The following KLHL11 variants were observed in gnomAD, a reference collection of about 807,000 sequenced individuals.
KLHL11 encodes the protein kelch like family member 11, also known as kelch-like protein 11.
In KLHL11, 26 loss-of-function variants were observed where a neutral mutation model predicts 56.1. The observed-to-expected ratio is 0.46, with a 90% CI of 0.34 to 0.64. The LOEUF (loss-of-function observed/expected upper bound fraction) is 0.64, where lower values mean the gene tolerates loss of function less well. Ranked by LOEUF, KLHL11 falls within the 30% of genes least tolerant of loss-of-function variation. The pLI is 0.01. For synonymous variants in KLHL11, 338 were observed against 345.8 expected, an observed-to-expected ratio of 0.98 and a Z score of 0.25; for missense variants, 627 against 919.4, an observed-to-expected ratio of 0.68 and a Z score of 4.11.
Position 41,854,503 on chromosome 17 carries a change from A to G in KLHL11, c.1364T>C (p.Leu455Pro). The G allele has an allele frequency of 6.2e-7, 1 of 1,614,178 alleles. No individual in the cohort carries two copies. The highest frequency in any genetic ancestry group is 8.5e-7 in the Non-Finnish European group (1 of 1,180,024). ...GTTGCCATGTCCTCCAATGCTATAG[A>G]GCTTCCCTTTGACTTCTGTTAGTCC... ...SFGLTEVKGK[L>P]YSIGGHGNFS... The change falls in exon 2 of 2, where the codon CTC becomes CCC. Residue 455 changes from leucine to proline, a missense_variant. Physicochemically the swap from Leu to Pro is moderately conservative, Grantham distance 98 (BLOSUM62 -3). Around this residue, in one of 4 missense-constraint regions of KLHL11, gnomAD observed 250 missense variants for 360.6 expected, o/e 0.69. Coordinates refer to ENST00000319121, the MANE Select transcript of KLHL11 (RefSeq NM_018143.3). The surrounding 1 kb of genome is among the most constrained non-coding windows in gnomAD (Gnocchi z 4.9).
chr17:41,864,811 G>C lies in KLHL11; in HGVS notation c.545+15C>G. ...CGCGCCCGCCGCCCTCCGCGCTCCCGCCTCCCTCGCCTACCTGTCGGCCAA... is the reference window on the plus strand; with the variant it reads ...CGCGCCCGCCGCCCTCCGCGCTCCCCCCTCCCTCGCCTACCTGTCGGCCAA... On this transcript the variant is annotated intron_variant, in intron 1 of 1. Coordinates refer to ENST00000319121, the MANE Select transcript of KLHL11 (RefSeq NM_018143.3). 6.7e-7 allele frequency: 1 copy of C among 1,484,582 alleles called. No individual in the cohort carries two copies. Among genetic ancestry groups the C allele is most frequent in the Non-Finnish European group, 9.0e-7 (1 of 1,114,908 alleles). The allele number at this position is 1,484,582 out of a possible 1,614,324, so 92.0% of individuals were successfully genotyped here.
intron 1 of KLHL11, among the ~76,000 whole-genome samples, chr17:41,856,135 C>T (rs554471288): frequency 1.3e-5 from 2 of 152,142 alleles, no homozygotes; most frequent in Admixed American, 1.3e-4. Context: ...GGATTACAGG[C>T]GTGTGCCACC....
At chr17:41,857,338 C>T (rs1323914671) in intron 1 of KLHL11, among the ~76,000 whole-genome samples, 1 of 151,614 alleles carries the variant, frequency 6.6e-6, no homozygotes, top group African/African-American at 2.4e-5. Context: ...AACCTTGTCT[C>T]TACTAAAAAT....
At chr17:41,857,091 G>T (rs1410781033) in intron 1 of KLHL11, among the ~76,000 whole-genome samples, 4 of 152,122 alleles carry the variant, frequency 2.6e-5, no homozygotes, top group African/African-American at 9.7e-5. Context: ...AACTACTCAG[G>T]GGGCTTAGGC....
rs548112698 is a variant in KLHL11, at chr17:41,856,800, T to A, written c.546-1479A>T. On this transcript the variant is annotated intron_variant, in intron 1 of 1. Coordinates refer to ENST00000319121, the MANE Select transcript of KLHL11 (RefSeq NM_018143.3). ...GGGAGGCTGAGGCAGGCAGATCACT[T>A]GAAGTCAGGAGTTTGAGACCAGGCT... Among the ~76,000 whole-genome samples, 3 of 151,236 alleles carry A rather than the reference T, an allele frequency of 2.0e-5. No homozygotes were observed. The East Asian group carries it at 5.9e-4, about 30-fold the overall frequency.
rs782026168 is a variant in KLHL11 at position 41,865,365 on chromosome 17, C to A, written c.6G>T (p.Ala2=). ...CCGCCGCCGCCGCCACTGCCGCAGCCGCCATCTTGACGCCGCTGCGCCCGG... is the reference window on the plus strand; with the variant it reads ...CCGCCGCCGCCGCCACTGCCGCAGCAGCCATCTTGACGCCGCTGCGCCCGG... M[A]AAAVAAAAAA... The change falls in exon 1 of 2, where the codon GCG becomes GCT. Residue 2 remains alanine, a synonymous_variant. Coordinates refer to ENST00000319121, the MANE Select transcript of KLHL11 (RefSeq NM_018143.3). 2 of 1,430,586 alleles carry A rather than the reference C, an allele frequency of 1.4e-6. No homozygotes were observed. The highest frequency in any genetic ancestry group is 1.8e-6 in the Non-Finnish European group (2 of 1,102,196). 88.6% of individuals were successfully genotyped at this position (1,430,586 alleles called of 1,614,324 possible).
Sources: allele counts gnomAD v4.1 joint callset (sites outside exome capture counted in the v4.1 genomes callset), GRCh38; gene constraint gnomAD v4.1.1; regional missense constraint gnomAD v4.1.1; non-coding constraint Gnocchi (gnomAD v3.1); transcripts MANE v1.5; gene names NCBI Gene and HGNC (gene_info 2026-07-23, HGNC 2026-07-21).